The following ARL15 variants were observed in gnomAD, a reference collection of about 807,000 sequenced individuals.
The protein encoded by ARL15 is ARF like GTPase 15, also known as ADP-ribosylation factor-like protein 15.
Under a neutral mutation model 25.2 loss-of-function variants are expected in ARL15, and 19 were observed. The observed-to-expected ratio is 0.75, with a 90% CI of 0.53 to 1.10. The LOEUF is 1.10. ARL15 is among the 50% of genes least tolerant of loss of function. The pLI is 0.00. For synonymous variants in ARL15, 94 were observed against 86.8 expected (o/e 1.08, Z -0.46); for missense variants, 220 against 246.0 (o/e 0.89, Z 0.71).
At chr5:54,209,308 T>C (rs985410369) in intron 1 of ARL15, among the ~76,000 whole-genome samples, 4 of 147,376 alleles carry the variant, frequency 2.7e-5, no homozygotes, top group African/African-American at 7.7e-5. Context: ...TTAACTAGAA[T>C]GATGGTGGTA....
At chr5:54,134,568 CTTTTTTTTTTTTTTTTTT>C (rs5867914) in intron 3 of ARL15, among the ~76,000 whole-genome samples, 2 of 51,772 alleles carry the variant, frequency 3.9e-5, no homozygotes, top group African/African-American at 1.6e-4. Context: ...GAATGATTAG[CTTTTTTTTTTTTTTTTTT>C]TTTTTTTTTT....
chr5:53,937,803 T>C (rs111715433), intron 4 of ARL15, among the ~76,000 whole-genome samples: 4 of 149,124 alleles, frequency 2.7e-5, no homozygotes, highest in African/African-American at 9.9e-5. Context: ...ATCTATGTGA[T>C]CAGGGGTACA....
chr5:54,193,191 G>T (rs1199692214), intron 1 of ARL15, among the ~76,000 whole-genome samples: 1 of 152,068 alleles, frequency 6.6e-6, no homozygotes, highest in Non-Finnish European at 1.5e-5. Context: ...AAAGAAACTT[G>T]TTCCTTCTTT....
chr5:54,235,843 T>C (rs972732664), intron 1 of ARL15, among the ~76,000 whole-genome samples: 2 of 152,208 alleles, frequency 1.3e-5, no homozygotes, highest in Admixed American at 6.5e-5. Context: ...GGAAGGGCAT[T>C]TGACTATACT....
chr5:54,263,683 G>A (rs984672758), intron 1 of ARL15, among the ~76,000 whole-genome samples: 1 of 152,100 alleles, frequency 6.6e-6, no homozygotes, highest in Non-Finnish European at 1.5e-5. Flanking sequence ...TCTGAGAAAT[G>A]ATCATTGAAT....
At chr5:53,909,634 A>T (rs1319472073) in intron 4 of ARL15, among the ~76,000 whole-genome samples, 1 of 152,240 alleles carries the variant, frequency 6.6e-6, no homozygotes, top group Non-Finnish European at 1.5e-5. Flanking sequence ...TGAACCTGGT[A>T]GGCGGAGGCT....
At chr5:54,125,642 G>C (rs1443006022) in intron 3 of ARL15, among the ~76,000 whole-genome samples, 1 of 152,178 alleles carries the variant, frequency 6.6e-6, no homozygotes, top group Non-Finnish European at 1.5e-5. Context: ...TGGTGCACAA[G>C]TTTTTGTTTG....
chr5:54,195,662 C>A (rs1410976371), intron 1 of ARL15, among the ~76,000 whole-genome samples: 3 of 152,142 alleles, frequency 2.0e-5, no homozygotes, highest in African/African-American at 7.2e-5. Flanking sequence ...TCATATTCAA[C>A]CCTCCTAGAG....
chr5:53,961,862 T>G (rs1432257936), intron 4 of ARL15, among the ~76,000 whole-genome samples: 1 of 152,228 alleles, frequency 6.6e-6, no homozygotes, highest in Non-Finnish European at 1.5e-5. Flanking sequence ...CAGACTTCTA[T>G]AGCTTGCCTT....
At chr5:54,243,381 T>A (rs1432656478) in intron 1 of ARL15, among the ~76,000 whole-genome samples, 1 of 152,226 alleles carries the variant, frequency 6.6e-6, no homozygotes, top group Non-Finnish European at 1.5e-5. Flanking sequence ...GCTGAAATTA[T>A]CCGCCCTTTG....
chr5:53,944,158 G>A (rs910202511), intron 4 of ARL15, among the ~76,000 whole-genome samples: 11 of 152,086 alleles, frequency 7.2e-5, no homozygotes, highest in African/African-American at 2.7e-4. Flanking sequence ...ACACAACAGG[G>A]TTTGAACAAA....
intron 1 of ARL15, among the ~76,000 whole-genome samples, chr5:54,196,782 T>C (rs1755562108): frequency 1.3e-5 from 2 of 152,182 alleles, no homozygotes; most frequent in Non-Finnish European, 2.9e-5. Context: ...TATTGAATTA[T>C]AAAGTATTTG....
intron 1 of ARL15, among the ~76,000 whole-genome samples, chr5:54,296,393 T>C (rs1258706436): frequency 1.3e-5 from 2 of 152,298 alleles, no homozygotes; most frequent in East Asian, 1.9e-4. Flanking sequence ...CCACTTTGCA[T>C]ACAAGGAAAC....
chr5:54,127,096 C>A (rs192119398), intron 3 of ARL15, among the ~76,000 whole-genome samples: 1 of 151,936 alleles, frequency 6.6e-6, no homozygotes, highest in Non-Finnish European at 1.5e-5. Flanking sequence ...TGAGAATATG[C>A]GGGTTTTTGT....
At chr5:53,982,353 A>G (rs1185758168) in intron 4 of ARL15, among the ~76,000 whole-genome samples, 3 of 91,844 alleles carry the variant, frequency 3.3e-5, no homozygotes, top group African/African-American at 1.6e-4. Flanking sequence ...ACCCCCTGAC[A>G]GGCACCAGTA....
chr5:54,169,855 A>T (rs1218571661), intron 2 of ARL15, among the ~76,000 whole-genome samples: 3 of 152,160 alleles, frequency 2.0e-5, no homozygotes, highest in Non-Finnish European at 4.4e-5. Flanking sequence ...AAGAGGCTAC[A>T]CATGAGCTCT....
At chr5:54,051,665 C>T (rs948056862) in intron 4 of ARL15, among the ~76,000 whole-genome samples, 6 of 152,168 alleles carry the variant, frequency 3.9e-5, no homozygotes, top group Admixed American at 1.3e-4. Context: ...AACAGTACCA[C>T]CAACAACTGT....
At chr5:54,149,620 T>C (rs1754005487) in intron 3 of ARL15, among the ~76,000 whole-genome samples, 1 of 152,176 alleles carries the variant, frequency 6.6e-6, no homozygotes, top group Non-Finnish European at 1.5e-5. Context: ...TAGGAACTAT[T>C]ATTATCTCAC....
chr5:53,990,110 C>T (rs1748435330), intron 4 of ARL15, among the ~76,000 whole-genome samples: 1 of 152,018 alleles, frequency 6.6e-6, no homozygotes, highest in South Asian at 2.1e-4. Context: ...CGCCTGTGGT[C>T]CCAGCTACTT....
Sources: gnomAD v4.1 joint callset for allele counts (sites outside exome capture counted in the v4.1 genomes callset) on GRCh38, gnomAD v4.1.1 for gene constraint, MANE v1.5 for transcripts, NCBI Gene and HGNC (gene_info 2026-07-23, HGNC 2026-07-21) for gene names.